Variants in ASAP2 observed in about 807,000 individuals in gnomAD.
The protein encoded by ASAP2 is arf-GAP with SH3 domain, ANK repeat and PH domain-containing protein 2.
A neutral mutation model predicts 131.4 loss-of-function variants in ASAP2; 45 were observed. The ratio of observed to expected loss-of-function variants is 0.34; its 90% CI spans 0.27 to 0.44. The LOEUF is 0.44. Ranked by LOEUF, ASAP2 falls within the 20% of genes least tolerant of loss-of-function variation. The probability of loss-of-function intolerance (pLI) is 1.00; values close to 1 mark genes in which losing one functional copy is unlikely to be tolerated. For synonymous variants in ASAP2, 510 were observed against 503.0 expected, an observed-to-expected ratio of 1.01 and a Z score of -0.19; for missense variants, 1,011 against 1,297.0, an observed-to-expected ratio of 0.78 and a Z score of 3.39.
intron 11 of ASAP2, among the ~76,000 whole-genome samples, chr2:9,349,113 GA>G (rs1375590084): frequency 6.6e-6 from 1 of 152,162 alleles, no homozygotes; most frequent in Non-Finnish European, 1.5e-5. Flanking sequence ...ATTATTTCAT[GA>G]AAAATGTTTA....
chr2:9,307,383 A>G (rs892457902), intron 3 of ASAP2, among the ~76,000 whole-genome samples: 4 of 152,208 alleles, frequency 2.6e-5, no homozygotes, highest in Non-Finnish European at 5.9e-5. Context: ...GGTCCTGTGG[A>G]GGTCAGAGCT....
chr2:9,362,200 GC>G (rs1289465757), intron 15 of ASAP2, among the ~76,000 whole-genome samples: 3 of 152,152 alleles, frequency 2.0e-5, no homozygotes, highest in Admixed American at 2.0e-4. Context: ...TGCATGCCAT[GC>G]AGGGCCTCGG....
chr2:9,388,875 T>C (rs994303665), intron 22 of ASAP2, among the ~76,000 whole-genome samples: 1 of 152,288 alleles, frequency 6.6e-6, no homozygotes, highest in Admixed American at 6.5e-5. Flanking sequence ...TCTGCACCCT[T>C]CTGTTTACCT....
At chr2:9,374,101 C>T (rs1674197011) in intron 16 of ASAP2, among the ~76,000 whole-genome samples, 1 of 152,232 alleles carries the variant, frequency 6.6e-6, no homozygotes. Flanking sequence ...TGAACTCAGG[C>T]TTCTTTGGCC....
intron 3 of ASAP2, among the ~76,000 whole-genome samples, chr2:9,303,711 G>C (rs1668642273): frequency 6.6e-6 from 1 of 152,194 alleles, no homozygotes; most frequent in African/African-American, 2.4e-5. Flanking sequence ...GTTTGATCGA[G>C]ACAATGAACA....
At chr2:9,264,203 A>C (rs1245717377) in intron 1 of ASAP2, among the ~76,000 whole-genome samples, 1 of 150,458 alleles carries the variant, frequency 6.6e-6, no homozygotes, top group Non-Finnish European at 1.5e-5. Flanking sequence ...AAAAATAATA[A>C]TAATAATAAT....
intron 1 of ASAP2, among the ~76,000 whole-genome samples, chr2:9,229,610 C>A (rs765982642): frequency 2.6e-5 from 4 of 152,190 alleles, no homozygotes; most frequent in Admixed American, 2.0e-4. Context: ...GAATCTCAGT[C>A]GAGCCTGGAA....
intron 2 of ASAP2, among the ~76,000 whole-genome samples, chr2:9,286,070 T>A (rs1667440227): frequency 6.6e-6 from 1 of 152,132 alleles, no homozygotes; most frequent in Non-Finnish European, 1.5e-5. Context: ...CAAATATATA[T>A]AATAGTTGAG....
chr2:9,381,728 C>T (rs966370229), intron 20 of ASAP2, among the ~76,000 whole-genome samples: 24 of 152,052 alleles, frequency 1.6e-4, no homozygotes, highest in African/African-American at 5.3e-4. Context: ...CAGAGCAACA[C>T]GCCATCTCCA....
chr2:9,231,470 C>T (rs1663157358), intron 1 of ASAP2, among the ~76,000 whole-genome samples: 2 of 152,200 alleles, frequency 1.3e-5, no homozygotes, highest in Non-Finnish European at 2.9e-5. Context: ...ACCTGCTACC[C>T]GTTCGCTGAG....
chr2:9,346,968 T>C (rs1379744094), intron 11 of ASAP2, among the ~76,000 whole-genome samples: 1 of 152,234 alleles, frequency 6.6e-6, no homozygotes, highest in Non-Finnish European at 1.5e-5. Context: ...CCGGCATTAC[T>C]GGGATGCTGA....
At chr2:9,294,770 T>C (rs1668050288) in intron 2 of ASAP2, among the ~76,000 whole-genome samples, 1 of 152,194 alleles carries the variant, frequency 6.6e-6, no homozygotes, top group South Asian at 2.1e-4. Context: ...TCTCTCCTGC[T>C]GGGCTTTGCA....
chr2:9,286,389 C>A (rs1324645014), intron 2 of ASAP2, among the ~76,000 whole-genome samples: 2 of 149,796 alleles, frequency 1.3e-5, no homozygotes, highest in African/African-American at 5.0e-5. Context: ...CAGAGTGAGA[C>A]CCTGTCTCCA....
intron 1 of ASAP2, among the ~76,000 whole-genome samples, chr2:9,214,616 G>A (rs914991193): frequency 2.6e-5 from 4 of 152,056 alleles, no homozygotes; most frequent in Admixed American, 2.0e-4. Flanking sequence ...CTACCAACCC[G>A]AGCTGGAATA....
chr2:9,339,984 C>G (rs1283466530), intron 9 of ASAP2, among the ~76,000 whole-genome samples: 1 of 152,200 alleles, frequency 6.6e-6, no homozygotes, highest in African/African-American at 2.4e-5. Flanking sequence ...TCCTTACAAG[C>G]CACTTTACAG....
chr2:9,360,584 T>C (rs1673014544), intron 15 of ASAP2, among the ~76,000 whole-genome samples: 1 of 152,216 alleles, frequency 6.6e-6, no homozygotes, highest in Non-Finnish European at 1.5e-5. Flanking sequence ...GTTTGCAACC[T>C]GCCTGTTCTC....
Position 9,337,119 on chromosome 2 carries a change from C to T in ASAP2, c.849+1940C>T, listed in dbSNP as rs189820131. On this transcript the variant is annotated intron_variant, in intron 9 of 27. Transcript: ENST00000281419. ...TTTATAGTTTGTTGTTTTTTGTTAACCAGCCCATCTGCCCCTGATTGCACA... is the reference window on the plus strand; with the variant it reads ...TTTATAGTTTGTTGTTTTTTGTTAATCAGCCCATCTGCCCCTGATTGCACA... 2.9e-3 allele frequency among the ~76,000 whole-genome samples: 441 copies of T among 152,324 alleles called. 3 individuals are homozygous for T. Among genetic ancestry groups the T allele is most frequent in the African/African-American group, 0.01 (423 of 41,584 alleles).
chr2:9,259,733 G>GT (rs1420038672), intron 1 of ASAP2, among the ~76,000 whole-genome samples: 1 of 152,200 alleles, frequency 6.6e-6, no homozygotes, highest in Non-Finnish European at 1.5e-5. Context: ...ACCCAGCCTT[G>GT]TGTGTGTGTT....
intron 1 of ASAP2, among the ~76,000 whole-genome samples, chr2:9,222,778 G>C (rs1257612981): frequency 6.6e-6 from 1 of 152,140 alleles, no homozygotes; most frequent in East Asian, 1.9e-4. Context: ...TCATGGGTAG[G>C]AGAAATGGCC....
Sources: allele counts gnomAD v4.1 joint callset (sites outside exome capture counted in the v4.1 genomes callset), GRCh38; gene constraint gnomAD v4.1.1; transcripts MANE v1.5; gene names NCBI Gene and HGNC (gene_info 2026-07-23, HGNC 2026-07-21).